The following LAPTM4B variants were observed in gnomAD, a reference collection of about 807,000 sequenced individuals.
The protein encoded by LAPTM4B is lysosomal protein transmembrane 4 beta.
A neutral mutation model predicts 28.5 loss-of-function variants in LAPTM4B; 26 were observed. The ratio of observed to expected loss-of-function variants is 0.91; its 90% CI spans 0.67 to 1.27. The LOEUF is 1.27. Ranked by LOEUF, LAPTM4B falls within the 50% of genes most tolerant of loss-of-function variation. LAPTM4B has a pLI of 0.00. For synonymous variants in LAPTM4B, 109 were observed against 106.4 expected (o/e 1.02, Z -0.15); for missense variants, 288 against 285.8 (o/e 1.01, Z -0.06).
chr8:97,827,091 T>C (rs1213886940), intron 6 of LAPTM4B, among the ~76,000 whole-genome samples: 2 of 152,196 alleles, frequency 1.3e-5, no homozygotes, highest in African/African-American at 4.8e-5. Context: ...ATGTGCTTGT[T>C]TTGATATGGT....
chr8:97,819,727 C>CTTTTTTTTT (rs532220760), intron 5 of LAPTM4B, among the ~76,000 whole-genome samples: 2 of 78,570 alleles, frequency 2.5e-5, no homozygotes, highest in African/African-American at 1.0e-4. Flanking sequence ...GATAAATTTC[C>CTTTTTTTTT]TTTTTTTTTT....
intron 6 of LAPTM4B, among the ~76,000 whole-genome samples, chr8:97,845,274 A>G (rs1443447999): frequency 6.6e-6 from 1 of 151,360 alleles, no homozygotes; most frequent in African/African-American, 2.4e-5. Flanking sequence ...TCTGTAGTGT[A>G]CATTCCCTTT....
At chr8:97,824,171 C>G in intron 5 of LAPTM4B, among the ~76,000 whole-genome samples, 1 of 151,870 alleles carries the variant, frequency 6.6e-6, no homozygotes, top group East Asian at 1.9e-4. Context: ...TCATTTTATT[C>G]GGTATATATT....
rs193076704 is a variant in LAPTM4B, at chr8:97,819,924, A to G, written c.507+686A>G. ...AAATTTTTTTGTATTTTTAGTAGAG[A>G]TGGGGTTTCACTGTGTTAGCCAGGA... On this transcript the variant is annotated intron_variant, in intron 5 of 6. Transcript: ENST00000521545. Among the ~76,000 whole-genome samples, 379 of 151,952 alleles carry G rather than the reference A, an allele frequency of 2.5e-3. 1 individual carries two copies. The highest frequency in any genetic ancestry group is 6.8e-3 in the Admixed American group (104 of 15,250).
chr8:97,800,583 G>A (rs559923052), intron 1 of LAPTM4B, among the ~76,000 whole-genome samples: 146 of 133,416 alleles, frequency 1.1e-3, no homozygotes, highest in African/African-American at 3.9e-3. Context: ...GGTAACCTCC[G>A]CCTCCCGGGT....
chr8:97,797,138 C>CTTTTTT (rs34761391), intron 1 of LAPTM4B, among the ~76,000 whole-genome samples: 1 of 146,466 alleles, frequency 6.8e-6, no homozygotes, highest in Non-Finnish European at 1.5e-5. Flanking sequence ...GGAATTACAA[C>CTTTTTT]TTTTTTTTTT....
At chr8:97,819,516 G>A (rs1028911825) in intron 5 of LAPTM4B, among the ~76,000 whole-genome samples, 1 of 152,010 alleles carries the variant, frequency 6.6e-6, no homozygotes, top group Admixed American at 6.6e-5. Flanking sequence ...TCTGTTACAA[G>A]GTCTGTGTAA....
At chr8:97,823,362 T>G (rs1287213904) in intron 5 of LAPTM4B, among the ~76,000 whole-genome samples, 1 of 102,638 alleles carries the variant, frequency 9.7e-6, no homozygotes, top group South Asian at 4.6e-4. Flanking sequence ...TTTTGTTTTT[T>G]TTTTGTTGTT....
chr8:97,824,193 A>AG (rs1307869291), intron 5 of LAPTM4B, among the ~76,000 whole-genome samples: 2 of 152,116 alleles, frequency 1.3e-5, no homozygotes, highest in Non-Finnish European at 2.9e-5. Context: ...TATATATACT[A>AG]TATGTAGAAT....
chr8:97,843,177 G>A (rs970218679), intron 6 of LAPTM4B, among the ~76,000 whole-genome samples: 10 of 152,310 alleles, frequency 6.6e-5, no homozygotes, highest in Middle Eastern at 3.4e-3. Flanking sequence ...CACCGCGCCC[G>A]CCCTTACGTA....
At chr8:97,784,114 G>T (rs1215647986) in intron 1 of LAPTM4B, among the ~76,000 whole-genome samples, 3 of 152,132 alleles carry the variant, frequency 2.0e-5, no homozygotes, top group African/African-American at 7.2e-5. Context: ...ATAGCTTTCG[G>T]TGGGCATTCA....
intron 6 of LAPTM4B, 29 bp downstream of exon 6, chr8:97,825,182 T>A: frequency 8.6e-7 from 1 of 1,168,380 alleles, no homozygotes; most frequent in South Asian, 1.2e-5. Context: ...ATGGTAGAGA[T>A]CTCGCCCACA....
chr8:97,829,075 T>C (rs1458344982), intron 6 of LAPTM4B, among the ~76,000 whole-genome samples: 1 of 151,826 alleles, frequency 6.6e-6, no homozygotes, highest in Non-Finnish European at 1.5e-5. Context: ...AGTAAAAAGG[T>C]AAGAGTGTGT....
chr8:97,796,823 C>T (rs1392371911), intron 1 of LAPTM4B, among the ~76,000 whole-genome samples: 1 of 152,014 alleles, frequency 6.6e-6, no homozygotes, highest in African/African-American at 2.4e-5. Flanking sequence ...ACTTGTAATC[C>T]CAGCTACTCA....
chr8:97,829,041 A>C (rs764525780), intron 6 of LAPTM4B, among the ~76,000 whole-genome samples: 10 of 152,176 alleles, frequency 6.6e-5, no homozygotes, highest in Admixed American at 1.3e-4. Flanking sequence ...AGAGTCCTTG[A>C]GGCAGGCAGA....
intron 2 of LAPTM4B, among the ~76,000 whole-genome samples, chr8:97,808,705 A>C (rs1470468508): frequency 3.9e-5 from 6 of 152,142 alleles, no homozygotes; most frequent in Non-Finnish European, 8.8e-5. Flanking sequence ...TAATCCCAGC[A>C]CTTTGGGAGG....
In LAPTM4B at chr8:97,776,174, C is replaced by T. The variant is rs1816210410; in HGVS notation, c.99+66C>T. 11 of 1,468,110 alleles carry T rather than the reference C, an allele frequency of 7.5e-6. No individual in the cohort carries two copies. The East Asian group carries it at 8.2e-5, about 11-fold the overall frequency. The allele number at this position is 1,468,110 out of a possible 1,614,324, so 90.9% of individuals were successfully genotyped here. ...CGCGCCCCTAGCTGGGCTTCTGGCC[C>T]GGCCTCGCGGTGGGGTGAGGCGTGC... On this transcript the variant is annotated intron_variant, in intron 1 of 6. Coordinates refer to ENST00000521545, the MANE Select transcript of LAPTM4B (RefSeq NM_018407.6).
At chr8:97,790,684 T>G (rs988576337) in intron 1 of LAPTM4B, among the ~76,000 whole-genome samples, 7 of 151,978 alleles carry the variant, frequency 4.6e-5, no homozygotes, top group African/African-American at 1.7e-4. Context: ...GATCTCAAGT[T>G]ATCTGCCCGC....
intron 6 of LAPTM4B, among the ~76,000 whole-genome samples, chr8:97,834,357 TA>T (rs2129831765): frequency 6.6e-6 from 1 of 152,292 alleles, no homozygotes; most frequent in South Asian, 2.1e-4. Context: ...ACCATTTTGA[TA>T]AAGTTTATAA....
Sources: gnomAD v4.1 joint callset for allele counts (sites outside exome capture counted in the v4.1 genomes callset) on GRCh38, gnomAD v4.1.1 for gene constraint, MANE v1.5 for transcripts, NCBI Gene and HGNC (gene_info 2026-07-23, HGNC 2026-07-21) for gene names.